FBN3: variants seen among roughly 807,000 people sequenced by gnomAD.
The protein encoded by FBN3 is fibrillin 3, also known as fibrillin-3.
Under a neutral mutation model 330.1 loss-of-function variants are expected in FBN3, and 234 were observed. The observed-to-expected ratio is 0.71, with a 90% CI of 0.64 to 0.79. FBN3 has a LOEUF of 0.79. FBN3 is among the 30% of genes least tolerant of loss of function. FBN3 has a pLI of 0.00. For synonymous variants in FBN3, 1,458 were observed against 1,517.3 expected, an observed-to-expected ratio of 0.96 and a Z score of 0.91; for missense variants, 3,606 against 3,886.9, an observed-to-expected ratio of 0.93 and a Z score of 1.92.
intron 57 of FBN3, 38 bp from the exon 58 acceptor site, chr19:8,081,518 A>G: frequency 6.4e-7 from 1 of 1,560,970 alleles, no homozygotes; most frequent in South Asian, 1.2e-5. Flanking sequence ...GCGGGGTTAG[A>G]CAGACATTCC....
At position 8,121,350 on chromosome 19, in the gene FBN3, C is replaced by G; in HGVS notation, c.3119G>C (p.Gly1040Ala). ...DECRISPDLCGQGTCVNTPGS... is the reference protein window; with the variant it reads ...DECRISPDLCAQGTCVNTPGS... ...CGGCGTGTTGACACAGGTGCCCTGG[C>G]CGCAGAGGTCAGGAGAGATGCGACA... Residue 1040 changes from glycine (G) to alanine (A), a missense_variant, in exon 25 of 64, where the codon GGC becomes GCC. By Grantham distance (60) the Gly-to-Ala change is moderately conservative. Transcript: ENST00000600128. This position sits in a 1 kb window ranked among gnomAD's most constrained non-coding sequence, Gnocchi z 4.5. The G allele has an allele frequency of 1.2e-6, 2 of 1,613,234 alleles. No individual in the cohort carries two copies. The highest frequency in any genetic ancestry group is 1.7e-6 in the Non-Finnish European group (2 of 1,179,562).
Position 8,096,395 on chromosome 19 carries a change from GA to G in FBN3, c.5539+48del. The G allele has an allele frequency of 6.3e-7, 1 of 1,588,090 alleles. No individual in the cohort carries two copies. The highest frequency in any genetic ancestry group is 1.1e-5 in the South Asian group (1 of 87,512). ...CCACTTCCATCCCAGGGGAGGTTTA[GA>G]CCCCAGGCAGCCTGGCTTGAAAAGG... On this transcript the variant is annotated intron_variant, in intron 44 of 63. Transcript: ENST00000600128. This position sits in a 1 kb window ranked among gnomAD's most constrained non-coding sequence, Gnocchi z 4.6.
chr19:8,069,013 T>C (rs913131268), intron 63 of FBN3, among the ~76,000 whole-genome samples: 2 of 152,114 alleles, frequency 1.3e-5, no homozygotes, highest in Non-Finnish European at 2.9e-5. Flanking sequence ...CCCAGAGCCC[T>C]AAGGTCACTC....
rs1011087364 is a variant in FBN3, at chr19:8,096,136, G to A, written c.5540-56C>T. On this transcript the variant is annotated intron_variant, in intron 44 of 63. Coordinates refer to ENST00000600128, the MANE Select transcript of FBN3 (RefSeq NM_032447.5). The surrounding 1 kb of genome is among the most constrained non-coding windows in gnomAD (Gnocchi z 4.6). Reference sequence around the variant, plus strand: ...GCTCACCCAGGGCATTGGGGAACTTGGGGAGTGAGAGGCCAGCTGGACCTA... The same window carrying A: ...GCTCACCCAGGGCATTGGGGAACTTAGGGAGTGAGAGGCCAGCTGGACCTA... 7 of 1,386,366 alleles carry A rather than the reference G, an allele frequency of 5.0e-6. No homozygotes were observed. Among genetic ancestry groups the A allele is most frequent in the East Asian group, 2.3e-5 (1 of 43,694 alleles). The allele number at this position is 1,386,366 out of a possible 1,614,324, so 85.9% of individuals were successfully genotyped here.
intron 62 of FBN3, 40 bp downstream of exon 62, chr19:8,073,023 G>C (rs538190019): frequency 0.029 from 37,432 of 1,271,452 alleles, 3,039 homozygotes; most frequent in Middle Eastern, 0.074. Flanking sequence ...ATGGACGCTT[G>C]CGGGGCATGG....
intron 39 of FBN3, 142 bp downstream of exon 39, chr19:8,103,420 G>T: frequency 1.2e-6 from 1 of 851,614 alleles, no homozygotes; most frequent in Non-Finnish European, 1.8e-6. Flanking sequence ...CCTGAGTCCT[G>T]CAGCTTTGTT....
Position 8,149,098 on chromosome 19 carries a change from G to A in FBN3, c.-18+351C>T, listed in dbSNP as rs2083617329. Among the ~76,000 whole-genome samples the A allele has an allele frequency of 6.6e-6, 1 of 152,202 alleles. No homozygotes were observed. The highest frequency in any genetic ancestry group is 6.5e-5 in the Admixed American group (1 of 15,280). On this transcript the variant is annotated intron_variant, in intron 1 of 63. Coordinates refer to ENST00000600128, the MANE Select transcript of FBN3 (RefSeq NM_032447.5). The surrounding 1 kb of genome is among the most constrained non-coding windows in gnomAD (Gnocchi z 5.5). Reference sequence around the variant, plus strand: ...GGGTGTGGAGGCTGAGGGCCAAACAGCGAGGGATACCAAGCTTCGCCGACG... The same window carrying A: ...GGGTGTGGAGGCTGAGGGCCAAACAACGAGGGATACCAAGCTTCGCCGACG...
chr19:8,120,522 T>C (rs529864878), intron 25 of FBN3, among the ~76,000 whole-genome samples: 10 of 151,716 alleles, frequency 6.6e-5, no homozygotes, highest in Admixed American at 2.0e-4. Context: ...AGGGTCTCAC[T>C]CTGTCACCCA....
intron 29 of FBN3, among the ~76,000 whole-genome samples, chr19:8,116,131 T>G (rs2144858758): frequency 6.6e-6 from 1 of 152,270 alleles, no homozygotes; most frequent in Admixed American, 6.5e-5. Flanking sequence ...CTCGGTTTCT[T>G]GGCCGGGAGT....
At chr19:8,125,351 T>C (rs2082951185) in intron 22 of FBN3, among the ~76,000 whole-genome samples, 1 of 151,992 alleles carries the variant, frequency 6.6e-6, no homozygotes, top group South Asian at 2.1e-4. Flanking sequence ...GAAGTGCAAG[T>C]TGTAGTGAGA....
chr19:8,129,846 C>A lies in FBN3; in HGVS notation c.2045-481G>T, dbSNP rs2083083024. Among the ~76,000 whole-genome samples the A allele has an allele frequency of 6.6e-6, 1 of 152,002 alleles. No individual in the cohort carries two copies. The highest frequency in any genetic ancestry group is 2.4e-5 in the African/African-American group (1 of 41,390). On this transcript the variant is annotated intron_variant, in intron 16 of 63. Transcript: ENST00000600128. The surrounding 1 kb of genome is among the most constrained non-coding windows in gnomAD (Gnocchi z 4.5). The stretch of plus-strand genomic sequence containing the variant: ...GCTGAGGTGGGAGGATTGCTTGAGC[C>A]CAGGAGTTTGAGACCAGCCTGGGCA...
At chr19:8,082,327 CTGTT>C (rs1216382663) in intron 57 of FBN3, among the ~76,000 whole-genome samples, 7 of 148,918 alleles carry the variant, frequency 4.7e-5, no homozygotes, top group South Asian at 2.1e-4. Context: ...TTCTTTCTTT[CTGTT>C]TCTTTCTCTT....
At position 8,117,187 on chromosome 19, in the gene FBN3, C is replaced by T. The variant is rs765198874; in HGVS notation, c.3568G>A (p.Asp1190Asn). The change falls in exon 28 of 64, where the codon GAC becomes AAC. Residue 1190 changes from aspartate to asparagine, a missense_variant. Transcript: ENST00000600128. The part of the protein sequence containing the change: ...SCGQGYSLMP[D>N]GRACADVDEC... ...CACCTACCTGCACATGCCCTTCCGT[C>T]GGGCATCAGCGAGTAGCCCTGCCCA... The T allele has an allele frequency of 1.9e-6, 3 of 1,614,076 alleles. No individual in the cohort carries two copies. Among genetic ancestry groups the T allele is most frequent in the Admixed American group, 1.7e-5 (1 of 60,012 alleles).
At chr19:8,137,051 C>A (rs932847702) in intron 10 of FBN3, among the ~76,000 whole-genome samples, 3 of 150,644 alleles carry the variant, frequency 2.0e-5, no homozygotes, top group Non-Finnish European at 4.4e-5. Context: ...ATCCCTTCAA[C>A]CTGGGACCTG....
intron 59 of FBN3, among the ~76,000 whole-genome samples, chr19:8,080,531 T>C (rs2144615827): frequency 6.6e-6 from 1 of 152,334 alleles, no homozygotes; most frequent in Admixed American, 6.5e-5. Flanking sequence ...AAGGAGGTTC[T>C]AGATGCCTCC....
intron 59 of FBN3, 49 bp from the exon 60 acceptor site, chr19:8,075,460 GT>G: frequency 6.3e-7 from 1 of 1,581,246 alleles, no homozygotes; most frequent in Non-Finnish European, 8.6e-7. Context: ...TAAGGAACTC[GT>G]GTCAGGTGAC....
intron 38 of FBN3, among the ~76,000 whole-genome samples, chr19:8,105,895 C>T (rs1568402077): frequency 6.6e-6 from 1 of 152,142 alleles, no homozygotes; most frequent in Non-Finnish European, 1.5e-5. Context: ...TTTAAAGGGT[C>T]TATCTACCAT....
At chr19:8,082,292 C>T (rs1211578911) in intron 57 of FBN3, among the ~76,000 whole-genome samples, 1 of 146,694 alleles carries the variant, frequency 6.8e-6, no homozygotes, top group Non-Finnish European at 1.5e-5. Context: ...CCTTCCTCTC[C>T]CTTTCTCTCT....
At chr19:8,107,948 A>G (rs1450033192) in intron 37 of FBN3, among the ~76,000 whole-genome samples, 1 of 152,144 alleles carries the variant, frequency 6.6e-6, no homozygotes, top group Non-Finnish European at 1.5e-5. Context: ...ACAAATGAAA[A>G]GATCAATAAA....
Sources: allele counts gnomAD v4.1 joint callset (sites outside exome capture counted in the v4.1 genomes callset), GRCh38; gene constraint gnomAD v4.1.1; non-coding constraint Gnocchi (gnomAD v3.1); transcripts MANE v1.5; gene names NCBI Gene and HGNC (gene_info 2026-07-23, HGNC 2026-07-21).